MAP2: variants seen among roughly 807,000 people sequenced by gnomAD.
MAP2 encodes microtubule associated protein 2.
In MAP2, 14 loss-of-function variants were observed where a neutral mutation model predicts 137.6. The observed-to-expected ratio is 0.10, with a 90% CI of 0.07 to 0.16. The LOEUF (loss-of-function observed/expected upper bound fraction) is 0.16, where lower values mean the gene tolerates loss of function less well. MAP2 is among the 10% of genes least tolerant of loss of function. MAP2 has a pLI of 1.00. For synonymous variants in MAP2, 786 were observed against 782.3 expected (o/e 1.00, Z -0.08); for missense variants, 2,088 against 2,191.5 (o/e 0.95, Z 0.94).
Position 209,501,359 on chromosome 2 carries a change from G to A in MAP2, c.-221-6233G>A, listed in dbSNP as rs948648501. 3.3e-5 allele frequency among the ~76,000 whole-genome samples: 5 copies of A among 152,068 alleles called. No homozygotes were observed. The East Asian group carries it at 9.7e-4, about 29-fold the overall frequency. On this transcript the variant is annotated intron_variant, in intron 1 of 15. Coordinates refer to ENST00000682079, the MANE Select transcript of MAP2 (RefSeq NM_001375505.1). ...TGTATTCCTTGTGAGGTATAATCAG[G>A]CCTATTTGAGTTTGACATAGGCTTT... is the stretch of plus-strand genomic sequence containing the variant.
chr2:209,612,617 T>C (rs2087359565), intron 3 of MAP2, among the ~76,000 whole-genome samples: 1 of 152,170 alleles, frequency 6.6e-6, no homozygotes, highest in South Asian at 2.1e-4. Context: ...TGTTGAAAAG[T>C]GCTATTCAGC....
At chr2:209,431,380 A>C (rs1268176110) in intron 1 of MAP2, among the ~76,000 whole-genome samples, 3 of 152,200 alleles carry the variant, frequency 2.0e-5, no homozygotes, top group African/African-American at 7.2e-5. Flanking sequence ...AATGCTATTA[A>C]ATGCATTCTT....
chr2:209,565,294 T>C (rs1054737654), intron 2 of MAP2, among the ~76,000 whole-genome samples: 3 of 152,190 alleles, frequency 2.0e-5, no homozygotes, highest in Non-Finnish European at 4.4e-5. Flanking sequence ...TATGGCTTAC[T>C]GTAGCCTCAA....
chr2:209,523,595 T>G (rs1165283683), intron 2 of MAP2, among the ~76,000 whole-genome samples: 1 of 152,172 alleles, frequency 6.6e-6, no homozygotes, highest in Non-Finnish European at 1.5e-5. Context: ...GCTTCTCCAC[T>G]GGAGGCTCCT....
At chr2:209,499,942 A>G (rs1011919710) in intron 1 of MAP2, among the ~76,000 whole-genome samples, 3 of 152,170 alleles carry the variant, frequency 2.0e-5, no homozygotes, top group Admixed American at 2.0e-4. Context: ...AGGGAATAAA[A>G]TTCAACATGA....
chr2:209,576,394 C>G (rs900404903), intron 2 of MAP2, among the ~76,000 whole-genome samples: 1 of 151,952 alleles, frequency 6.6e-6, no homozygotes, highest in Non-Finnish European at 1.5e-5. Context: ...CAGGCATGCA[C>G]CACCACACCC....
Position 209,680,776 on chromosome 2 carries a change from CCTT to C in MAP2, c.406_408del (p.Ser136del), listed in dbSNP as rs771745757. The C allele has an allele frequency of 6.2e-7, 1 of 1,613,538 alleles. No homozygotes were observed. Among genetic ancestry groups the C allele is most frequent in the African/African-American group, 1.3e-5 (1 of 74,880 alleles). ...AGCTGAAGAAACAGCTAATCTGCCT[CCTT>C]CTCCACCCCCATCACCTGCCTCAGA... On this transcript the variant is annotated inframe_deletion, in exon 7 of 16. Coordinates refer to ENST00000682079, the MANE Select transcript of MAP2 (RefSeq NM_001375505.1).
intron 13 of MAP2, among the ~76,000 whole-genome samples, chr2:209,720,916 A>G (rs996573500): frequency 2.6e-5 from 4 of 151,962 alleles, no homozygotes; most frequent in Non-Finnish European, 5.9e-5. Context: ...TATCCATAGA[A>G]CCCAGAGTTA....
intron 14 of MAP2, 52 bp downstream of exon 14, chr2:209,725,842 A>G: frequency 7.9e-7 from 1 of 1,268,894 alleles, no homozygotes; most frequent in Non-Finnish European, 1.1e-6. Flanking sequence ...GAATCAAGAA[A>G]GGGATGAGAA....
At chr2:209,676,198 C>T (rs1487217074) in intron 5 of MAP2, among the ~76,000 whole-genome samples, 1 of 151,922 alleles carries the variant, frequency 6.6e-6, no homozygotes, top group Non-Finnish European at 1.5e-5. Context: ...CTGTGGAATA[C>T]TATGCAGCCA....
In MAP2 at chr2:209,653,304, C is replaced by A. The variant is rs2094926538; in HGVS notation, c.134C>A (p.Ala45Asp). 1 of 1,614,158 alleles carries A rather than the reference C, an allele frequency of 6.2e-7. No homozygotes were observed. The highest frequency in any genetic ancestry group is 8.5e-7 in the Non-Finnish European group (1 of 1,180,026). The change falls in exon 5 of 16, where the codon GCC (alanine) becomes GAC (aspartate). Residue 45 changes from alanine to aspartate, a missense_variant. Transcript: ENST00000682079. ...GGAGEGLVRS[A>D]NGFPYREDEE... ...GCAGGGGAAGGACTTGTCCGAAGCG[C>A]CAATGGATTCCCATACAGGGAGGAT...
At chr2:209,705,486 T>A in intron 11 of MAP2, 94 bp from the exon 12 acceptor site, 2 of 1,021,386 alleles carry the variant, frequency 2.0e-6, no homozygotes, top group Non-Finnish European at 2.7e-6. Flanking sequence ...GAAATTCATT[T>A]ATTAGCACAG....
intron 3 of MAP2, 51 bp downstream of exon 3, chr2:209,580,151 T>C (rs563120509): frequency 4.6e-5 from 7 of 151,930 alleles, no homozygotes; most frequent in Non-Finnish European, 1.0e-4. Context: ...CAGGGGAGAA[T>C]TGGAATGTTT....
intron 5 of MAP2, among the ~76,000 whole-genome samples, chr2:209,675,666 G>A (rs956015709): frequency 6.6e-6 from 1 of 151,482 alleles, no homozygotes; most frequent in African/African-American, 2.4e-5. Flanking sequence ...ATTCTCCATG[G>A]ATATCAAAAC....
At chr2:209,722,633 A>G (rs552791208) in intron 13 of MAP2, among the ~76,000 whole-genome samples, 2 of 152,342 alleles carry the variant, frequency 1.3e-5, no homozygotes, top group East Asian at 3.9e-4. Context: ...TTCCATGCTT[A>G]TATTGCTTAT....
At chr2:209,668,652 C>A (rs2047395928) in intron 5 of MAP2, among the ~76,000 whole-genome samples, 1 of 151,928 alleles carries the variant, frequency 6.6e-6, no homozygotes, top group Non-Finnish European at 1.5e-5. Context: ...ACCCTTCTTG[C>A]TGTAAAAAGA....
chr2:209,693,365 G>T lies in MAP2; in HGVS notation c.1195G>T (p.Val399Leu). Residue 399 changes from valine to leucine, a missense_variant, in exon 8 of 16, where the codon GTA (valine) becomes TTA (leucine). Physicochemically the swap from Val to Leu is conservative, Grantham distance 32 (BLOSUM62 1). This residue lies in a region of MAP2 where 859 missense variants were observed against 794.5 expected (regional missense o/e 1.08). Coordinates refer to ENST00000682079, the MANE Select transcript of MAP2 (RefSeq NM_001375505.1). ...TLPKDAHIPV[V>L]EEHVMGKVLE... ...ACCCAAAGATGCTCACATTCCAGTTGTAGAAGAACATGTTATGGGGAAAGT... is the reference window on the plus strand; with the variant it reads ...ACCCAAAGATGCTCACATTCCAGTTTTAGAAGAACATGTTATGGGGAAAGT... 6.2e-7 allele frequency: 1 copy of T among 1,611,796 alleles called. No homozygotes were observed. Among genetic ancestry groups the T allele is most frequent in the Non-Finnish European group, 8.5e-7 (1 of 1,179,502 alleles).
At chr2:209,548,151 C>T (rs1382006648) in intron 2 of MAP2, among the ~76,000 whole-genome samples, 1 of 152,166 alleles carries the variant, frequency 6.6e-6, no homozygotes, top group East Asian at 1.9e-4. Flanking sequence ...CTAAATTGGA[C>T]TTCAGGATCC....
intron 1 of MAP2, among the ~76,000 whole-genome samples, chr2:209,448,021 C>A (rs1432675246): frequency 6.6e-6 from 1 of 152,074 alleles, no homozygotes; most frequent in Non-Finnish European, 1.5e-5. Flanking sequence ...GTTTAGCAAG[C>A]TGTCTGGTGA....
Sources: gnomAD v4.1 joint callset for allele counts (sites outside exome capture counted in the v4.1 genomes callset) on GRCh38, gnomAD v4.1.1 for gene constraint, gnomAD v4.1.1 regional missense constraint, MANE v1.5 for transcripts, NCBI Gene and HGNC (gene_info 2026-07-23, HGNC 2026-07-21) for gene names.